Variants in MAP4K4 observed in about 807,000 individuals in gnomAD.
MAP4K4 encodes mitogen-activated protein kinase kinase kinase kinase 4.
MAP4K4 carries 38 observed loss-of-function variants against 189.6 expected under a neutral mutation model. The ratio of observed to expected loss-of-function variants is 0.20; its 90% CI spans 0.15 to 0.26. MAP4K4 has a LOEUF of 0.26. Ranked by LOEUF, MAP4K4 falls within the 10% of genes least tolerant of loss-of-function variation. The probability of loss-of-function intolerance (pLI) is 1.00; values close to 1 mark genes in which losing one functional copy is unlikely to be tolerated. For missense variants in MAP4K4, 1,054 were observed against 1,726.9 expected (o/e 0.61, Z 6.91); for synonymous variants, 610 against 624.3 (o/e 0.98, Z 0.34).
At chr2:101,847,138 C>G (rs1327698474) in intron 12 of MAP4K4, among the ~76,000 whole-genome samples, 1 of 152,140 alleles carries the variant, frequency 6.6e-6, no homozygotes, top group Non-Finnish European at 1.5e-5. Flanking sequence ...GACATCATAG[C>G]CATTGTAACG....
chr2:101,718,661 G>T (rs1396279701), intron 2 of MAP4K4, among the ~76,000 whole-genome samples: 1 of 151,540 alleles, frequency 6.6e-6, no homozygotes, highest in African/African-American at 2.4e-5. Flanking sequence ...AGGCAAAGGA[G>T]GTGCTGAGAG....
At chr2:101,720,640 G>A (rs1232797294) in intron 2 of MAP4K4, among the ~76,000 whole-genome samples, 1 of 152,124 alleles carries the variant, frequency 6.6e-6, no homozygotes, top group African/African-American at 2.4e-5. Context: ...CATCTTACTC[G>A]TTAAAACAAA....
At chr2:101,710,050 CTCTT>C (rs1349033490) in intron 2 of MAP4K4, among the ~76,000 whole-genome samples, 1 of 152,130 alleles carries the variant, frequency 6.6e-6, no homozygotes, top group African/African-American at 2.4e-5. Context: ...TTTTCTGAGA[CTCTT>C]TATGTGTAAT....
chr2:101,868,115 G>A lies in MAP4K4; in HGVS notation c.2463+78G>A, dbSNP rs368008440. ...TCAGCTCAGCTTGTATTCGAGCTGC[G>A]GTCCTGCTCCTTCCTCAACTTGACT... On this transcript the variant is annotated intron_variant, in intron 21 of 32. Coordinates refer to ENST00000324219, the Ensembl canonical transcript of MAP4K4. 2.2e-3 allele frequency: 3,273 copies of A among 1,477,548 alleles called. 8 individuals carry two copies. The highest frequency in any genetic ancestry group is 2.8e-3 in the Non-Finnish European group (3,024 of 1,071,318). The allele number at this position is 1,477,548 out of a possible 1,614,324, so 91.5% of individuals were successfully genotyped here.
intron 2 of MAP4K4, among the ~76,000 whole-genome samples, chr2:101,738,629 C>G (rs1003683771): frequency 2.6e-5 from 4 of 152,104 alleles, no homozygotes; most frequent in Admixed American, 6.5e-5. Context: ...TTGCACCTGT[C>G]TTATTCTCTC....
chr2:101,732,163 A>G (rs1364728026), intron 2 of MAP4K4, among the ~76,000 whole-genome samples: 2 of 152,210 alleles, frequency 1.3e-5, no homozygotes, highest in African/African-American at 2.4e-5. Context: ...TAGAAAACCC[A>G]CAGAAGTAGC....
At chr2:101,800,438 G>C (rs1348067822) in intron 3 of MAP4K4, among the ~76,000 whole-genome samples, 1 of 152,190 alleles carries the variant, frequency 6.6e-6, no homozygotes, top group Admixed American at 6.5e-5. Context: ...AGTGCTTTGA[G>C]CAGTAGCAAA....
In MAP4K4 at chr2:101,837,247, C is replaced by CT. The variant is rs548156710; in HGVS notation, c.773+1277dup. 2.7e-3 allele frequency among the ~76,000 whole-genome samples: 412 copies of CT among 151,776 alleles called. 4 individuals carry two copies. Among genetic ancestry groups the CT allele is most frequent in the Non-Finnish European group, 3.3e-3 (222 of 67,936 alleles). The stretch of plus-strand genomic sequence containing the variant: ...TGGCCTTCAGCTGTTCCTGTTTATG[C>CT]TTTTTTTTCTTGTTTACTCACCTTC... On this transcript the variant is annotated intron_variant, in intron 9 of 32. Transcript: ENST00000324219.
At chr2:101,779,743 G>A (rs1227101970) in intron 2 of MAP4K4, among the ~76,000 whole-genome samples, 1 of 151,988 alleles carries the variant, frequency 6.6e-6, no homozygotes, top group South Asian at 2.1e-4. Context: ...ATTATTTCTG[G>A]TAAGGGATAC....
At chr2:101,835,842 A>C in intron 8 of MAP4K4, 58 bp from the exon 9 acceptor site, 15 of 1,158,880 alleles carry the variant, frequency 1.3e-5, no homozygotes, top group Non-Finnish European at 1.9e-5. Context: ...ACTGAACCCT[A>C]GAAATCAAGA....
chr2:101,786,194 C>G (rs541865705), intron 2 of MAP4K4, among the ~76,000 whole-genome samples: 2 of 152,216 alleles, frequency 1.3e-5, no homozygotes, highest in African/African-American at 4.8e-5. Context: ...AGGCTCCTCT[C>G]TATGGGCCAG....
At chr2:101,749,124 A>G (rs2067198841) in intron 2 of MAP4K4, among the ~76,000 whole-genome samples, 1 of 150,130 alleles carries the variant, frequency 6.7e-6, no homozygotes, top group Non-Finnish European at 1.5e-5. Context: ...CCATCAAGCT[A>G]CCAATGCCTT....
At chr2:101,699,304 C>G (rs1049745887) in intron 2 of MAP4K4, among the ~76,000 whole-genome samples, 2 of 152,162 alleles carry the variant, frequency 1.3e-5, no homozygotes, top group African/African-American at 4.8e-5. Flanking sequence ...ACTAGCAAAT[C>G]TGGAGACTGA....
chr2:101,737,840 A>T (rs1248972643), intron 2 of MAP4K4, among the ~76,000 whole-genome samples: 1 of 151,964 alleles, frequency 6.6e-6, no homozygotes, highest in Non-Finnish European at 1.5e-5. Flanking sequence ...TCCCTCACTT[A>T]GGCTCCTGTC....
chr2:101,731,446 A>G (rs1418997871), intron 2 of MAP4K4, among the ~76,000 whole-genome samples: 1 of 152,018 alleles, frequency 6.6e-6, no homozygotes, highest in Non-Finnish European at 1.5e-5. Flanking sequence ...TATTAAGCAA[A>G]GAGCAGAGAA....
chr2:101,733,796 G>T (rs1415221366), intron 2 of MAP4K4, among the ~76,000 whole-genome samples: 3 of 152,200 alleles, frequency 2.0e-5, no homozygotes, highest in Non-Finnish European at 4.4e-5. Context: ...GCTGTTCTGT[G>T]AGAGGAGTGT....
chr2:101,752,367 A>C (rs2069539168), intron 2 of MAP4K4, among the ~76,000 whole-genome samples: 1 of 152,188 alleles, frequency 6.6e-6, no homozygotes, highest in Non-Finnish European at 1.5e-5. Flanking sequence ...CGGAGTGCTT[A>C]GTTTCTCAGC....
intron 21 of MAP4K4, among the ~76,000 whole-genome samples, chr2:101,869,109 C>G (rs1277003841): frequency 1.3e-5 from 2 of 151,682 alleles, no homozygotes; most frequent in Admixed American, 6.6e-5. Context: ...TCATAAATAT[C>G]CTATAACTAG....
At chr2:101,698,015 C>T (rs1466815754) in exon 1 of MAP4K4, 5 of 1,124,464 alleles carry the variant, frequency 4.4e-6, no homozygotes, top group South Asian at 1.6e-5. Context: ...GCCTGGTCTG[C>T]GGCTGAGATA....
Sources: gnomAD v4.1 joint callset for allele counts (sites outside exome capture counted in the v4.1 genomes callset) on GRCh38, gnomAD v4.1.1 for gene constraint, MANE v1.5 for transcripts, NCBI Gene and HGNC (gene_info 2026-07-23, HGNC 2026-07-21) for gene names.